LHCGR: variants seen among roughly 807,000 people sequenced by gnomAD.
The protein encoded by LHCGR is luteinizing hormone/choriogonadotropin receptor.
LHCGR carries 55 observed loss-of-function variants against 60.7 expected under a neutral mutation model. The observed-to-expected ratio is 0.91, with a 90% CI of 0.73 to 1.13. The LOEUF (loss-of-function observed/expected upper bound fraction) is 1.13. Ranked by LOEUF, LHCGR falls within the 50% of genes most tolerant of loss-of-function variation. The pLI, the probability that LHCGR is intolerant of heterozygous loss-of-function variation, is 0.00. For synonymous variants in LHCGR, 337 were observed against 316.5 expected (o/e 1.06, Z -0.69); for missense variants, 862 against 836.0 (o/e 1.03, Z -0.38).
At chr2:48,721,855 G>C in intron 6 of LHCGR, 1 of 460,724 alleles carries the variant, frequency 2.2e-6, no homozygotes, top group Non-Finnish European at 4.5e-6. Context: ...TGGGCTTTAG[G>C]TATAAAGAAA....
At chr2:48,709,345 T>C (rs532605087) in intron 7 of LHCGR, among the ~76,000 whole-genome samples, 43 of 152,300 alleles carry the variant, frequency 2.8e-4, no homozygotes, top group African/African-American at 6.7e-4. Context: ...AAGGATGAGA[T>C]TGCTGCTCCA....
At chr2:48,737,123 A>G (rs2103660905) in intron 1 of LHCGR, among the ~76,000 whole-genome samples, 1 of 152,302 alleles carries the variant, frequency 6.6e-6, no homozygotes, top group South Asian at 2.1e-4. Context: ...CACTTGCCAG[A>G]GCTTTTACTT....
chr2:48,702,312 G>A (rs550755989), intron 8 of LHCGR, among the ~76,000 whole-genome samples: 5 of 149,696 alleles, frequency 3.3e-5, no homozygotes, highest in East Asian at 2.0e-4. Context: ...TGTGCAAAAC[G>A]TGCAGGTTTG....
Position 48,688,433 on chromosome 2 carries a change from T to A in LHCGR, c.1364A>T (p.Tyr455Phe). 6.2e-7 allele frequency: 1 copy of A among 1,614,130 alleles called. No individual in the cohort carries two copies. The highest frequency in any genetic ancestry group is 2.2e-5 in the East Asian group (1 of 44,876). The change falls in exon 11 of 11, where the codon TAC becomes TTC. Residue 455 changes from tyrosine (Y) to phenylalanine (F), a missense_variant. Coordinates refer to ENST00000294954, the MANE Select transcript of LHCGR (RefSeq NM_000233.4). This position sits in a 1 kb window ranked among gnomAD's most constrained non-coding sequence, Gnocchi z 5.2. ...TTCTAGAGTGATGACGGTGAGGGTG[T>A]AGACAGAAAGTTCACTTGCGAATAC... The part of the protein sequence containing the change: ...FTVFASELSV[Y>F]TLTVITLERW...
chr2:48,697,196 A>G (rs565564576), intron 9 of LHCGR, among the ~76,000 whole-genome samples: 42 of 152,136 alleles, frequency 2.8e-4, no homozygotes, highest in South Asian at 8.3e-4. Context: ...GAGCTATTCT[A>G]TCTTCTTTGC....
intron 1 of LHCGR, 36 bp from the exon 2 acceptor site, chr2:48,731,334 T>C: frequency 3.4e-6 from 5 of 1,458,148 alleles, no homozygotes; most frequent in Non-Finnish European, 4.8e-6. Context: ...GAGTTTAAGA[T>C]TTATGATAGG....
intron 6 of LHCGR, among the ~76,000 whole-genome samples, chr2:48,716,710 G>A (rs1453738871): frequency 2.0e-5 from 3 of 152,180 alleles, no homozygotes; most frequent in Non-Finnish European, 4.4e-5. Context: ...CACCTAGGAT[G>A]TTAGTCTTTG....
intron 6 of LHCGR, chr2:48,721,236 C>T (rs1464094968): frequency 6.4e-6 from 1 of 157,320 alleles, no homozygotes; most frequent in Admixed American, 6.2e-5. Flanking sequence ...GATATCACCT[C>T]ATTCGGAATT....
chr2:48,708,857 A>T, intron 8 of LHCGR, 91 bp downstream of exon 8: 4 of 973,392 alleles, frequency 4.1e-6, no homozygotes, highest in Non-Finnish European at 6.7e-6. Context: ...GATGTCTCAC[A>T]TATCAGCTTG....
intron 10 of LHCGR, 118 bp downstream of exon 10, chr2:48,694,106 T>G: frequency 1.4e-6 from 1 of 715,940 alleles, no homozygotes; most frequent in Non-Finnish European, 2.5e-6. Context: ...CTATTAAAAG[T>G]TGCTTTGCAA....
intron 9 of LHCGR, among the ~76,000 whole-genome samples, chr2:48,695,325 T>C (rs1667062055): frequency 6.6e-6 from 1 of 152,218 alleles, no homozygotes; most frequent in Non-Finnish European, 1.5e-5. Context: ...ATTTATGTTT[T>C]TGTTGCAATT....
rs567598924 is a variant in LHCGR, at chr2:48,698,835, T to C, written c.681-35A>G. The C allele has an allele frequency of 1.5e-5, 23 of 1,523,410 alleles. No individual in the cohort carries two copies. The South Asian group carries it at 2.1e-4, about 14-fold the overall frequency. The allele number at this position is 1,523,410 out of a possible 1,614,324, so 94.4% of individuals were successfully genotyped here. A position where few individuals can be genotyped will look rare whatever the true frequency, so the allele number is the denominator to read the frequency against. On this transcript the variant is annotated intron_variant, in intron 8 of 10. Transcript: ENST00000294954. ...AAAGGGGAGAAATGCTTTTTATTTA[T>C]TTATTTTATACATTTTTTTTTTTTG...
chr2:48,728,087 GTTTT>G (rs10533413), intron 3 of LHCGR, among the ~76,000 whole-genome samples: 37 of 148,826 alleles, frequency 2.5e-4, no homozygotes, highest in Non-Finnish European at 4.3e-4. Flanking sequence ...AACATTATGA[GTTTT>G]TTTTTTTTTT....
At chr2:48,747,575 G>A (rs182307762) in intron 1 of LHCGR, among the ~76,000 whole-genome samples, 1 of 152,252 alleles carries the variant, frequency 6.6e-6, no homozygotes, top group African/African-American at 2.4e-5. Flanking sequence ...TTCTATGCTG[G>A]GTGTGCTTGG....
intron 9 of LHCGR, among the ~76,000 whole-genome samples, chr2:48,695,169 T>A (rs1667055364): frequency 6.6e-6 from 1 of 152,144 alleles, no homozygotes; most frequent in African/African-American, 2.4e-5. Flanking sequence ...ATGCATTTAA[T>A]TTCATTATAG....
Position 48,733,527 on chromosome 2 carries a change from A to G in LHCGR, c.162-2229T>C, listed in dbSNP as rs1281883329. ...GTTGATGTTGATGCTGCAGAGCAGG[A>G]AAGGCAGCAGTGGGGAGAGTGAAAC... On this transcript the variant is annotated intron_variant, in intron 1 of 10. Coordinates refer to ENST00000294954, the MANE Select transcript of LHCGR (RefSeq NM_000233.4). Among the ~76,000 whole-genome samples, 11 of 152,328 alleles carry G rather than the reference A, an allele frequency of 7.2e-5. No homozygotes were observed. The South Asian group carries it at 2.1e-3, about 29-fold the overall frequency.
intron 6 of LHCGR, among the ~76,000 whole-genome samples, chr2:48,718,786 C>A (rs1373996012): frequency 6.6e-6 from 1 of 152,176 alleles, no homozygotes; most frequent in Non-Finnish European, 1.5e-5. Context: ...AGATGGGTAA[C>A]TGTGACCTGG....
chr2:48,713,596 A>AAT (rs1553392243), intron 7 of LHCGR, among the ~76,000 whole-genome samples: 4 of 152,180 alleles, frequency 2.6e-5, no homozygotes. Context: ...GTGGCTGACA[A>AAT]GACTGGTAAA....
At chr2:48,747,004 C>T (rs1366505944) in intron 1 of LHCGR, among the ~76,000 whole-genome samples, 1 of 152,112 alleles carries the variant, frequency 6.6e-6, no homozygotes, top group Non-Finnish European at 1.5e-5. Flanking sequence ...TTTCCCAACA[C>T]TTAAAAACTT....
Sources: allele counts gnomAD v4.1 joint callset (sites outside exome capture counted in the v4.1 genomes callset), GRCh38; gene constraint gnomAD v4.1.1; non-coding constraint Gnocchi (gnomAD v3.1); transcripts MANE v1.5; gene names NCBI Gene and HGNC (gene_info 2026-07-23, HGNC 2026-07-21).